The following FAT3 variants were observed in gnomAD, a reference collection of about 807,000 sequenced individuals.
FAT3 encodes protocadherin Fat 3.
FAT3 carries 95 observed loss-of-function variants against 310.2 expected under a neutral mutation model. That is an observed-to-expected ratio of 0.31 (90% confidence interval 0.26 to 0.36). The LOEUF (loss-of-function observed/expected upper bound fraction) is 0.36. Among genes scored for constraint, FAT3 ranks in the 10% least tolerant of loss-of-function variants. FAT3 has a pLI of 1.00. For synonymous variants in FAT3, 2,314 were observed against 2,192.9 expected, an observed-to-expected ratio of 1.06 and a Z score of -1.54; for missense variants, 5,408 against 5,715.6, an observed-to-expected ratio of 0.95 and a Z score of 1.74.
rs369277903 is a variant in FAT3 at position 92,894,165 on chromosome 11, T to A, written c.*3052T>A. On this transcript the variant is annotated 3_prime_UTR_variant, in exon 28 of 28. Transcript: ENST00000525166. The stretch of plus-strand genomic sequence containing the variant: ...TATTTTTCTGAAAGCCTCATGATCT[T>A]ATGTTTCCTTGCAGTCCCCCTAGGG... 6.6e-6 allele frequency: 1 copy of A among 152,252 alleles called. No individual in the cohort carries two copies. The highest frequency in any genetic ancestry group is 1.5e-5 in the Non-Finnish European group (1 of 68,044). The allele number at this position is 152,252 out of a possible 1,614,324, so 9.4% of individuals were successfully genotyped here.
rs752137175 is a variant in FAT3 at position 92,799,463 on chromosome 11, C to T, written c.6450C>T (p.Ser2150=). The T allele has an allele frequency of 6.2e-7, 1 of 1,613,610 alleles. No homozygotes were observed. Among genetic ancestry groups the T allele is most frequent in the East Asian group, 2.2e-5 (1 of 44,838 alleles). The change falls in exon 10 of 28, where the codon TCC becomes TCT. Residue 2150 remains serine, a synonymous_variant. Transcript: ENST00000525166. ...AGGAAGCATTCAACTCTGACTTGTC[C>T]AACATTGAGTATGGAGTCACCATCC... The part of the protein sequence containing the change: ...ILKEAFNSDL[S]NIEYGVTILA...
intron 3 of FAT3, among the ~76,000 whole-genome samples, chr11:92,672,727 A>G (rs1374566772): frequency 6.6e-6 from 1 of 152,182 alleles, no homozygotes; most frequent in Non-Finnish European, 1.5e-5. Flanking sequence ...GGACATAACA[A>G]TTATCTTTGG....
At chr11:92,381,981 T>C (rs1949504565) in intron 2 of FAT3, among the ~76,000 whole-genome samples, 1 of 152,170 alleles carries the variant, frequency 6.6e-6, no homozygotes, top group African/African-American at 2.4e-5. Context: ...TGGTTCTTCA[T>C]TGCTGCATTA....
chr11:92,894,388 A>T lies in FAT3; in HGVS notation c.*3275A>T, dbSNP rs1379454137. 2.0e-5 allele frequency: 3 copies of T among 152,164 alleles called. No individual in the cohort carries two copies. The highest frequency in any genetic ancestry group is 1.3e-4 in the Admixed American group (2 of 15,266). The allele number at this position is 152,164 out of a possible 1,614,324, so 9.4% of individuals were successfully genotyped here. ...TTTGGTTTTGCATTTTTTTCTTCCC[A>T]CAAACACTGGCTACTCTTTGTCCTA... On this transcript the variant is annotated 3_prime_UTR_variant, in exon 28 of 28. Transcript: ENST00000525166.
intron 13 of FAT3, among the ~76,000 whole-genome samples, chr11:92,811,642 G>A (rs1947675964): frequency 6.6e-6 from 1 of 152,134 alleles, no homozygotes; most frequent in Non-Finnish European, 1.5e-5. Context: ...ACAGGGCAGA[G>A]ATGATAAAGA....
chr11:92,729,241 T>C (rs1166193274), intron 4 of FAT3, among the ~76,000 whole-genome samples: 2 of 152,138 alleles, frequency 1.3e-5, no homozygotes, highest in Admixed American at 6.6e-5. Flanking sequence ...ACAAACTGAC[T>C]GACAAACGCA....
intron 2 of FAT3, among the ~76,000 whole-genome samples, chr11:92,457,393 G>A (rs1051971541): frequency 6.6e-6 from 1 of 152,014 alleles, no homozygotes; most frequent in African/African-American, 2.4e-5. Context: ...TTCTGAGAAG[G>A]TGGCAGTGCA....
At chr11:92,578,483 C>A (rs547789895) in intron 3 of FAT3, among the ~76,000 whole-genome samples, 227 of 152,224 alleles carry the variant, frequency 1.5e-3, no homozygotes, top group African/African-American at 5.3e-3. Context: ...AGTCACACAT[C>A]TAAGAAGTGG....
At chr11:92,249,781 T>A (rs1865066489) in intron 1 of FAT3, among the ~76,000 whole-genome samples, 1 of 152,132 alleles carries the variant, frequency 6.6e-6, no homozygotes, top group South Asian at 2.1e-4. Context: ...CTCCTCCATC[T>A]GATGGAAGCT....
intron 3 of FAT3, among the ~76,000 whole-genome samples, chr11:92,623,165 C>T (rs1941162886): frequency 1.0e-5 from 1 of 95,938 alleles, no homozygotes; most frequent in South Asian, 2.5e-4. Context: ...CTGCCATAGT[C>T]CCATGTTGCT....
intron 2 of FAT3, among the ~76,000 whole-genome samples, chr11:92,427,461 A>G (rs1950660690): frequency 6.6e-6 from 1 of 152,192 alleles, no homozygotes; most frequent in Non-Finnish European, 1.5e-5. Context: ...TTCAAAGGGA[A>G]TGCTTCCAGC....
chr11:92,283,441 T>C (rs2134371313), intron 1 of FAT3, among the ~76,000 whole-genome samples: 1 of 152,312 alleles, frequency 6.6e-6, no homozygotes, highest in Non-Finnish European at 1.5e-5. Context: ...GTTCTATCGG[T>C]ACACTGGCTC....
intron 3 of FAT3, among the ~76,000 whole-genome samples, chr11:92,635,653 C>G (rs1941740455): frequency 6.6e-6 from 1 of 152,178 alleles, no homozygotes; most frequent in Non-Finnish European, 1.5e-5. Context: ...TGTTTTCTGT[C>G]TAATTTTTGA....
intron 1 of FAT3, among the ~76,000 whole-genome samples, chr11:92,249,643 G>T (rs1369499081): frequency 6.6e-6 from 1 of 152,130 alleles, no homozygotes; most frequent in East Asian, 1.9e-4. Flanking sequence ...CAGTAACAAA[G>T]AACTTCATAT....
chr11:92,468,109 T>G (rs920293099), intron 2 of FAT3, among the ~76,000 whole-genome samples: 3 of 152,224 alleles, frequency 2.0e-5, no homozygotes, highest in African/African-American at 7.2e-5. Flanking sequence ...AGCCTCACTT[T>G]GGGCCAGGTC....
intron 2 of FAT3, among the ~76,000 whole-genome samples, chr11:92,501,507 A>G (rs765621861): frequency 5.3e-5 from 8 of 152,102 alleles, no homozygotes; most frequent in Non-Finnish European, 8.8e-5. Context: ...ACCTAATGCC[A>G]TTAAATGGCG....
At chr11:92,579,538 A>T (rs1448462230) in intron 3 of FAT3, among the ~76,000 whole-genome samples, 1 of 152,070 alleles carries the variant, frequency 6.6e-6, no homozygotes, top group African/African-American at 2.4e-5. Flanking sequence ...ATTCTATCAT[A>T]TATTGTAGTT....
chr11:92,777,415 A>G (rs974748157), intron 7 of FAT3, among the ~76,000 whole-genome samples: 2 of 152,130 alleles, frequency 1.3e-5, no homozygotes, highest in African/African-American at 4.8e-5. Context: ...ATCTAATGAC[A>G]CACATCCTTT....
intron 1 of FAT3, among the ~76,000 whole-genome samples, chr11:92,291,240 C>T (rs1015571866): frequency 1.3e-5 from 2 of 152,014 alleles, no homozygotes; most frequent in African/African-American, 4.8e-5. Context: ...AGGTGCTGAC[C>T]TGAGGTATCT....
Sources: allele counts gnomAD v4.1 joint callset (sites outside exome capture counted in the v4.1 genomes callset), GRCh38; gene constraint gnomAD v4.1.1; transcripts MANE v1.5; gene names NCBI Gene and HGNC (gene_info 2026-07-23, HGNC 2026-07-21).